The following ST6GALNAC3 variants were observed in gnomAD, a reference collection of about 807,000 sequenced individuals.
ST6GALNAC3 encodes ST6 N-acetylgalactosaminide alpha-2,6-sialyltransferase 3.
A neutral mutation model predicts 32.7 loss-of-function variants in ST6GALNAC3; 25 were observed. The observed-to-expected ratio is 0.76, with a 90% CI of 0.56 to 1.07. The LOEUF (loss-of-function observed/expected upper bound fraction) is 1.07. ST6GALNAC3 is among the 50% of genes least tolerant of loss of function. The pLI is 0.00. For synonymous variants in ST6GALNAC3, 129 were observed against 133.1 expected (o/e 0.97, Z 0.21); for missense variants, 355 against 382.4 (o/e 0.93, Z 0.60).
At chr1:76,492,282 A>T (rs979677275) in intron 3 of ST6GALNAC3, among the ~76,000 whole-genome samples, 3 of 152,184 alleles carry the variant, frequency 2.0e-5, no homozygotes, top group African/African-American at 7.2e-5. Flanking sequence ...CAACAAATAA[A>T]TATAACACAT....
intron 1 of ST6GALNAC3, among the ~76,000 whole-genome samples, chr1:76,269,495 C>A (rs1658717934): frequency 1.3e-5 from 2 of 152,184 alleles, no homozygotes; most frequent in South Asian, 4.1e-4. Flanking sequence ...CTTAGGCAAA[C>A]TTCACAATAT....
At chr1:76,315,194 G>A (rs1362039368) in intron 2 of ST6GALNAC3, among the ~76,000 whole-genome samples, 1 of 151,952 alleles carries the variant, frequency 6.6e-6, no homozygotes, top group Non-Finnish European at 1.5e-5. Context: ...TTTGTTGAGT[G>A]TCCTAATAAA....
rs554124745 is a variant in ST6GALNAC3, at chr1:76,592,542, G to C, written c.624-34910G>C. On this transcript the variant is annotated intron_variant, in intron 3 of 4. Coordinates refer to ENST00000328299, the MANE Select transcript of ST6GALNAC3 (RefSeq NM_152996.4). ...CACTGGGCGTCTTATACAGATTTGG[G>C]AATCATAAAATTGCTTCCCAGGAGA... Among the ~76,000 whole-genome samples the C allele has an allele frequency of 5.6e-4, 85 of 151,716 alleles. 2 individuals carry two copies. The highest frequency in any genetic ancestry group is 1.7e-3 in the African/African-American group (71 of 41,292).
At chr1:76,259,417 C>G (rs937364580) in intron 1 of ST6GALNAC3, among the ~76,000 whole-genome samples, 1 of 152,270 alleles carries the variant, frequency 6.6e-6, no homozygotes, top group East Asian at 1.9e-4. Flanking sequence ...GTCCTCGTTT[C>G]ATGTGACAAT....
intron 3 of ST6GALNAC3, among the ~76,000 whole-genome samples, chr1:76,552,746 A>C (rs1011674410): frequency 2.6e-5 from 4 of 152,156 alleles, no homozygotes; most frequent in Admixed American, 6.5e-5. Context: ...TTCTTTTCTT[A>C]AAATGTTGAC....
chr1:76,091,665 T>G (rs905171517), intron 1 of ST6GALNAC3, among the ~76,000 whole-genome samples: 2 of 152,238 alleles, frequency 1.3e-5, no homozygotes, highest in African/African-American at 4.8e-5. Flanking sequence ...TGTGTTTAGA[T>G]ATGTTTAGAT....
At chr1:76,603,532 T>C (rs547022743) in intron 3 of ST6GALNAC3, among the ~76,000 whole-genome samples, 1 of 152,322 alleles carries the variant, frequency 6.6e-6, no homozygotes, top group African/African-American at 2.4e-5. Flanking sequence ...AAATATTTTG[T>C]TCATGGACAC....
At chr1:76,175,745 C>T (rs1652809139) in intron 1 of ST6GALNAC3, among the ~76,000 whole-genome samples, 1 of 152,126 alleles carries the variant, frequency 6.6e-6, no homozygotes, top group African/African-American at 2.4e-5. Flanking sequence ...CTCTAAGCTG[C>T]AGTACCCCTT....
chr1:76,635,104 T>C (rs2100750218), downstream of ST6GALNAC3, among the ~76,000 whole-genome samples: 1 of 152,284 alleles, frequency 6.6e-6, no homozygotes, highest in South Asian at 2.1e-4. Flanking sequence ...ATATTTCTTT[T>C]TTTGCTGTGT....
chr1:76,396,522 A>G (rs1375019469), intron 2 of ST6GALNAC3, among the ~76,000 whole-genome samples: 2 of 152,098 alleles, frequency 1.3e-5, no homozygotes, highest in South Asian at 2.1e-4. Flanking sequence ...TCTTCTTTCT[A>G]CAGCCCTTTT....
intron 1 of ST6GALNAC3, among the ~76,000 whole-genome samples, chr1:76,178,924 C>T (rs1193569741): frequency 6.6e-6 from 1 of 152,206 alleles, no homozygotes; most frequent in Non-Finnish European, 1.5e-5. Context: ...TCACTGTCAA[C>T]CCCTTGTGGC....
At chr1:76,583,374 A>G (rs1042169335) in intron 3 of ST6GALNAC3, among the ~76,000 whole-genome samples, 1 of 152,232 alleles carries the variant, frequency 6.6e-6, no homozygotes, top group African/African-American at 2.4e-5. Context: ...GGCTATTGAC[A>G]TGCAGGGCTT....
intron 3 of ST6GALNAC3, among the ~76,000 whole-genome samples, chr1:76,516,066 C>T (rs552178066): frequency 2.0e-5 from 3 of 152,206 alleles, no homozygotes; most frequent in South Asian, 2.1e-4. Context: ...ATAATACGTA[C>T]TTTATATATC....
intron 1 of ST6GALNAC3, among the ~76,000 whole-genome samples, chr1:76,244,006 G>T (rs1657115474): frequency 6.6e-6 from 1 of 152,072 alleles, no homozygotes; most frequent in Non-Finnish European, 1.5e-5. Flanking sequence ...AGCTTGATGG[G>T]GATGGCATTG....
chr1:76,583,982 T>C (rs778403933), intron 3 of ST6GALNAC3, among the ~76,000 whole-genome samples: 6 of 152,162 alleles, frequency 3.9e-5, no homozygotes, highest in East Asian at 1.9e-4. Flanking sequence ...CACTCTAATA[T>C]GTAATCTGAT....
At chr1:76,482,429 G>A (rs1013697449) in intron 3 of ST6GALNAC3, among the ~76,000 whole-genome samples, 35 of 152,314 alleles carry the variant, frequency 2.3e-4, no homozygotes, top group African/African-American at 8.4e-4. Flanking sequence ...AACAAAGTGT[G>A]TAATTCACTG....
At chr1:76,289,505 G>T (rs975686555) in intron 1 of ST6GALNAC3, among the ~76,000 whole-genome samples, 4 of 152,220 alleles carry the variant, frequency 2.6e-5, no homozygotes, top group Non-Finnish European at 4.4e-5. Flanking sequence ...AGGGGTGATA[G>T]CACCCTCAAG....
At chr1:76,139,271 CA>C (rs1213172198) in intron 1 of ST6GALNAC3, among the ~76,000 whole-genome samples, 1 of 152,084 alleles carries the variant, frequency 6.6e-6, no homozygotes, top group African/African-American at 2.4e-5. Flanking sequence ...CATATATGCA[CA>C]CTTAAGCACA....
chr1:76,426,544 G>GATATAT (rs35312320), intron 3 of ST6GALNAC3, among the ~76,000 whole-genome samples: 35 of 146,728 alleles, frequency 2.4e-4, no homozygotes, highest in Middle Eastern at 3.6e-3. Context: ...CTGTTTTACA[G>GATATAT]ATATATATAT....
Sources: gnomAD v4.1 joint callset for allele counts (sites outside exome capture counted in the v4.1 genomes callset) on GRCh38, gnomAD v4.1.1 for gene constraint, MANE v1.5 for transcripts, NCBI Gene and HGNC (gene_info 2026-07-23, HGNC 2026-07-21) for gene names.